SACS: variants seen among roughly 807,000 people sequenced by gnomAD.
SACS encodes the protein sacsin.
A neutral mutation model predicts 348.0 loss-of-function variants in SACS; 197 were observed. The ratio of observed to expected loss-of-function variants is 0.57; its 90% confidence interval spans 0.50 to 0.64. The LOEUF (loss-of-function observed/expected upper bound fraction) is 0.64, where lower values mean the gene tolerates loss of function less well. Among genes scored for constraint, SACS ranks in the 30% least tolerant of loss-of-function variants. SACS has a pLI of 0.00. For synonymous variants in SACS, 1,985 were observed against 1,910.6 expected, an observed-to-expected ratio of 1.04 and a Z score of -1.02; for missense variants, 4,999 against 5,360.8, an observed-to-expected ratio of 0.93 and a Z score of 2.11.
intron 2 of SACS, among the ~76,000 whole-genome samples, chr13:23,406,779 T>A (rs1471818559): frequency 3.9e-5 from 6 of 152,162 alleles, no homozygotes; most frequent in Non-Finnish European, 8.8e-5. Flanking sequence ...ATGTAAATAA[T>A]CAGGCCAAAT....
chr13:23,425,072 A>G (rs945189330), intron 1 of SACS, among the ~76,000 whole-genome samples: 1 of 152,122 alleles, frequency 6.6e-6, no homozygotes, highest in Admixed American at 6.5e-5. Flanking sequence ...TCGAGTGTCT[A>G]CCTGGGGCCT....
At chr13:23,417,837 G>A (rs1873746215) in intron 1 of SACS, among the ~76,000 whole-genome samples, 1 of 152,080 alleles carries the variant, frequency 6.6e-6, no homozygotes, top group African/African-American at 2.4e-5. Context: ...GGAACACTGA[G>A]GCAGGCGGAA....
chr13:23,329,602 A>G lies in SACS; in HGVS notation c.*534T>C. 1.7e-6 allele frequency: 1 copy of G among 571,450 alleles called. No homozygotes were observed. Among genetic ancestry groups the G allele is most frequent in the Non-Finnish European group, 3.1e-6 (1 of 326,596 alleles). 35.4% of individuals were successfully genotyped at this position (571,450 alleles called of 1,614,324 possible). A position where few individuals can be genotyped will look rare whatever the true frequency, so the allele number is the denominator to read the frequency against. ...AGTAATAGGATTAAAATACTCTACC[A>G]TTTCTTAAATGCACTGAGTACAACA... is the stretch of plus-strand genomic sequence containing the variant. On this transcript the variant is annotated 3_prime_UTR_variant, in exon 10 of 10. Transcript: ENST00000382292.
rs775249219 is a variant in SACS at position 23,333,814 on chromosome 13, A to G, written c.10062T>C (p.Asn3354=). 2.5e-6 allele frequency: 4 copies of G among 1,613,810 alleles called. No homozygotes were observed. Among genetic ancestry groups the G allele is most frequent in the Non-Finnish European group, 3.4e-6 (4 of 1,179,818 alleles). ...TCAAGATGCTTGTGGGGCTCTCTAT[A>G]TTTGCTGTGTGACATGACAACAAAG... is the stretch of plus-strand genomic sequence containing the variant. The part of the protein sequence containing the change: ...FVPLLSCHTA[N]IESPTSILKA... The change falls in exon 10 of 10, where the codon AAT becomes AAC. Residue 3354 remains asparagine (N), a synonymous_variant. Coordinates refer to ENST00000382292, the MANE Select transcript of SACS (RefSeq NM_014363.6).
At chr13:23,368,844 G>A (rs1303546588) in intron 4 of SACS, among the ~76,000 whole-genome samples, 2 of 152,088 alleles carry the variant, frequency 1.3e-5, no homozygotes, top group African/African-American at 2.4e-5. Context: ...GACTACAGGT[G>A]CCCACCACCA....
At chr13:23,360,460 G>C (rs1368889593) in intron 6 of SACS, among the ~76,000 whole-genome samples, 1 of 150,128 alleles carries the variant, frequency 6.7e-6, no homozygotes, top group Non-Finnish European at 1.5e-5. Context: ...CCTCTTGCCA[G>C]AATCTAGAAA....
In SACS at chr13:23,371,144, C is replaced by T. The variant is rs772459537; in HGVS notation, c.193G>A (p.Gly65Arg). The T allele has an allele frequency of 6.2e-7, 1 of 1,610,334 alleles. No homozygotes were observed. Residue 65 changes from glycine to arginine, a missense_variant, in exon 4 of 10, where the codon GGA becomes AGA. Around this residue, in one of 6 missense-constraint regions of SACS, gnomAD observed 3,156 missense variants for 3,380.1 expected, o/e 0.93. Coordinates refer to ENST00000382292, the MANE Select transcript of SACS (RefSeq NM_014363.6). Reference sequence around the variant, plus strand: ...TGACAATTTTTGGAAGTCAGATCTCCAATCTTGATCCAGTCAGATAACTGA... The same window carrying T: ...TGACAATTTTTGGAAGTCAGATCTCTAATCTTGATCCAGTCAGATAACTGA... ...GRELSDWIKIGDLTSKNCHLF... is the reference protein window; with the variant it reads ...GRELSDWIKIRDLTSKNCHLF...
chr13:23,412,358 C>G (rs949660866), intron 1 of SACS, among the ~76,000 whole-genome samples: 4 of 151,872 alleles, frequency 2.6e-5, no homozygotes, highest in African/African-American at 9.7e-5. Flanking sequence ...GTGCTTCACT[C>G]ACATGTGATG....
At chr13:23,429,344 G>GTTTT (rs1566116540) in intron 1 of SACS, among the ~76,000 whole-genome samples, 5 of 65,382 alleles carry the variant, frequency 7.6e-5, no homozygotes, top group Admixed American at 1.6e-4. Context: ...TTGAGGTAGG[G>GTTTT]ATTTTTTTTT....
At position 23,339,961 on chromosome 13, in the gene SACS, A is replaced by G. The variant is rs767598017; in HGVS notation, c.3915T>C (p.His1305=). ...IHDLDLQPYL[H]NVPKTMAKFH... is the part of the protein sequence containing the mutation. ...ATTTTGCCATGGTTTTAGGTACATT[A>G]TGCAAATAAGGCTGAAGGTCAAGAT... The change falls in exon 10 of 10, where the codon CAT becomes CAC. Residue 1305 remains histidine, a synonymous_variant. Coordinates refer to ENST00000382292, the MANE Select transcript of SACS (RefSeq NM_014363.6). The G allele has an allele frequency of 4.6e-5, 74 of 1,613,846 alleles. No individual in the cohort carries two copies. The highest frequency in any genetic ancestry group is 6.1e-5 in the Non-Finnish European group (72 of 1,179,906).
intron 5 of SACS, among the ~76,000 whole-genome samples, chr13:23,366,750 C>A (rs528723170): frequency 6.6e-6 from 1 of 152,280 alleles, no homozygotes; most frequent in African/African-American, 2.4e-5. Flanking sequence ...GAAGCTTTTC[C>A]CCTAAATTGC....
intron 2 of SACS, among the ~76,000 whole-genome samples, chr13:23,405,147 C>T (rs149765993): frequency 2.0e-3 from 312 of 152,224 alleles, no homozygotes; most frequent in African/African-American, 7.2e-3. Flanking sequence ...ATCACATTAC[C>T]AGACTTCAAA....
intron 2 of SACS, among the ~76,000 whole-genome samples, chr13:23,377,814 G>A (rs1278197574): frequency 1.3e-5 from 2 of 152,200 alleles, no homozygotes; most frequent in Non-Finnish European, 1.5e-5. Context: ...TGAGCCAGGA[G>A]TGAACCCAGC....
In SACS at chr13:23,433,615, T is replaced by C. The variant is rs759995947; in HGVS notation, c.-502A>G. On this transcript the variant is annotated splice_region_variant and 5_prime_UTR_variant, in exon 1 of 10. Coordinates refer to ENST00000382292, the MANE Select transcript of SACS (RefSeq NM_014363.6). ...CACCCAGCTGGAACCTTGGACTTAC[T>C]GGGGGCTGTGGGCATCAGGGTCTCT... The C allele has an allele frequency of 6.6e-6, 1 of 152,402 alleles. No individual in the cohort carries two copies. The highest frequency in any genetic ancestry group is 1.5e-5 in the Non-Finnish European group (1 of 68,200). The allele number at this position is 152,402 out of a possible 1,614,324, so 9.4% of individuals were successfully genotyped here. A position where few individuals can be genotyped will look rare whatever the true frequency, so the allele number is the denominator to read the frequency against.
chr13:23,395,651 G>A (rs1872686356), intron 2 of SACS, among the ~76,000 whole-genome samples: 1 of 152,102 alleles, frequency 6.6e-6, no homozygotes, highest in Non-Finnish European at 1.5e-5. Flanking sequence ...ACCCCCAAAA[G>A]CAATCAGATA....
intron 2 of SACS, among the ~76,000 whole-genome samples, chr13:23,377,250 T>G (rs1233551854): frequency 6.6e-6 from 1 of 152,168 alleles, no homozygotes; most frequent in Non-Finnish European, 1.5e-5. Context: ...ACCAGGTGAA[T>G]TGTACACTTT....
At chr13:23,365,643 G>A (rs1048568478) in intron 5 of SACS, among the ~76,000 whole-genome samples, 9 of 152,144 alleles carry the variant, frequency 5.9e-5, no homozygotes, top group African/African-American at 1.9e-4. Flanking sequence ...TGTGTGGCAG[G>A]TAACTTAAGC....
At position 23,399,023 on chromosome 13, in the gene SACS, A is replaced by AAAAAAAAAAAAAAC. The variant is rs1399911660; in HGVS notation, c.20+12196_20+12197insGTTTTTTTTTTTTT. On this transcript the variant is annotated intron_variant, in intron 2 of 9. Coordinates refer to ENST00000382292, the MANE Select transcript of SACS (RefSeq NM_014363.6). ...TAACAGAGTGAGACTCCATCTCAAA[A>AAAAAAAAAAAAAAC]AAAAAAAAAAAAAACATGGATGCCT... Among the ~76,000 whole-genome samples the AAAAAAAAAAAAAAC allele has an allele frequency of 3.4e-5, 5 of 146,428 alleles. No homozygotes were observed. In the East Asian group the frequency reaches 7.8e-4, roughly 23 times the overall value.
At chr13:23,350,385 T>C (rs948552373) in intron 9 of SACS, among the ~76,000 whole-genome samples, 4 of 152,218 alleles carry the variant, frequency 2.6e-5, no homozygotes, top group East Asian at 3.8e-4. Flanking sequence ...AAATGAAATA[T>C]AGTGAAACAT....
Sources: gnomAD v4.1 joint callset for allele counts (sites outside exome capture counted in the v4.1 genomes callset) on GRCh38, gnomAD v4.1.1 for gene constraint, gnomAD v4.1.1 regional missense constraint, MANE v1.5 for transcripts, NCBI Gene and HGNC (gene_info 2026-07-23, HGNC 2026-07-21) for gene names.